Variants in TSPAN14 observed in about 807,000 individuals in gnomAD.
TSPAN14 encodes the protein tetraspanin 14.
In TSPAN14, 16 loss-of-function variants were observed where a neutral mutation model predicts 36.6. The observed-to-expected ratio is 0.44, with a 90% CI of 0.30 to 0.66. TSPAN14 has a LOEUF of 0.66. Among genes scored for constraint, TSPAN14 ranks in the 30% least tolerant of loss-of-function variants. The probability of loss-of-function intolerance (pLI) is 0.12; values close to 1 mark genes in which losing one functional copy is unlikely to be tolerated. For missense variants in TSPAN14, 231 were observed against 355.1 expected (o/e 0.65, Z 2.81); for synonymous variants, 139 against 143.8 (o/e 0.97, Z 0.24).
Position 80,514,170 on chromosome 10 carries a change from C to T in TSPAN14, c.621+107C>T. On this transcript the variant is annotated intron_variant, in intron 7 of 8. Coordinates refer to ENST00000429989, the Ensembl canonical transcript of TSPAN14. ...CAAATTGAAGTGGGAAAACTCAGGG[C>T]AGTGAAGCTCTTGATGCCACCTAAG... 7 of 1,046,226 alleles carry T rather than the reference C, an allele frequency of 6.7e-6. No homozygotes were observed. In the South Asian group the frequency reaches 9.7e-5, roughly 14 times the overall value. The allele number at this position is 1,046,226 out of a possible 1,614,324, so 64.8% of individuals were successfully genotyped here. A position where few individuals can be genotyped will look rare whatever the true frequency, so the allele number is the denominator to read the frequency against.
chr10:80,469,664 G>A (rs952581619), intron 1 of TSPAN14, among the ~76,000 whole-genome samples: 1 of 152,122 alleles, frequency 6.6e-6, no homozygotes, highest in East Asian at 1.9e-4. Flanking sequence ...AAATTCTGCC[G>A]CCTCTTCCTC....
intron 7 of TSPAN14, 77 bp downstream of exon 7, chr10:80,514,140 G>A (rs1840808260): frequency 1.1e-5 from 15 of 1,380,662 alleles, no homozygotes; most frequent in African/African-American, 8.6e-5. Flanking sequence ...GATTTAGCAC[G>A]AGTGCAAATT....
At chr10:80,491,350 AC>A (rs1403317300) in intron 2 of TSPAN14, among the ~76,000 whole-genome samples, 1 of 152,036 alleles carries the variant, frequency 6.6e-6, no homozygotes, top group Non-Finnish European at 1.5e-5. Context: ...CTCTGGCCTT[AC>A]CTGGTGTTCC....
intron 7 of TSPAN14, among the ~76,000 whole-genome samples, chr10:80,514,437 C>T: frequency 6.6e-6 from 1 of 152,166 alleles, no homozygotes; most frequent in Admixed American, 6.5e-5. Context: ...CTTGTTCTGG[C>T]CTCCGTGTGG....
intron 1 of TSPAN14, among the ~76,000 whole-genome samples, chr10:80,476,602 A>G (rs1353797101): frequency 6.6e-6 from 1 of 151,842 alleles, no homozygotes; most frequent in Non-Finnish European, 1.5e-5. Context: ...TTTTTAGTAG[A>G]GATGGGGTTT....
chr10:80,469,079 T>C (rs374938843), intron 1 of TSPAN14, among the ~76,000 whole-genome samples: 3 of 151,478 alleles, frequency 2.0e-5, no homozygotes, highest in African/African-American at 7.3e-5. Context: ...GGGGATGTCT[T>C]GGAAATGGAG....
intron 1 of TSPAN14, among the ~76,000 whole-genome samples, chr10:80,462,189 T>C (rs1846008616): frequency 6.6e-6 from 1 of 152,164 alleles, no homozygotes; most frequent in Non-Finnish European, 1.5e-5. Flanking sequence ...TTATTGAACA[T>C]ATTTAGCAGT....
intron 7 of TSPAN14, chr10:80,515,886 T>G (rs575424576): frequency 1.4e-5 from 4 of 293,180 alleles, no homozygotes; most frequent in East Asian, 1.3e-4. Context: ...CCTCCAAGCC[T>G]TCAAGCCCCT....
At chr10:80,500,314 C>CTTTTTTTTTTTTTTTTTTTTTTTT (rs144759161) in intron 2 of TSPAN14, among the ~76,000 whole-genome samples, 1 of 47,860 alleles carries the variant, frequency 2.1e-5, no homozygotes, top group African/African-American at 8.6e-5. Flanking sequence ...AGGCCTTATT[C>CTTTTTTTTTTTTTTTTTTTTTTTT]TTTTTTTTTT....
chr10:80,513,136 C>T (rs1479125287), intron 6 of TSPAN14, among the ~76,000 whole-genome samples: 1 of 152,132 alleles, frequency 6.6e-6, no homozygotes, highest in African/African-American at 2.4e-5. Context: ...GGGCTCAAAG[C>T]GATCTGCCCA....
intron 1 of TSPAN14, among the ~76,000 whole-genome samples, chr10:80,479,705 A>G (rs571431811): frequency 0.017 from 2,634 of 151,986 alleles, 33 homozygotes; most frequent in Non-Finnish European, 0.029. Flanking sequence ...GCCTTGTAGT[A>G]TAGTTTGAAG....
chr10:80,467,044 C>T (rs898340616), intron 1 of TSPAN14, among the ~76,000 whole-genome samples: 1 of 152,202 alleles, frequency 6.6e-6, no homozygotes, highest in Non-Finnish European at 1.5e-5. Context: ...TGGGTTAGAG[C>T]TGTGGGGTGA....
chr10:80,499,940 G>A (rs1848401688), intron 2 of TSPAN14, among the ~76,000 whole-genome samples: 1 of 152,160 alleles, frequency 6.6e-6, no homozygotes, highest in South Asian at 2.1e-4. Context: ...GAGGCTGGAG[G>A]GCACTCAGCT....
chr10:80,469,402 C>T (rs911390239), intron 1 of TSPAN14, among the ~76,000 whole-genome samples: 5 of 152,186 alleles, frequency 3.3e-5, no homozygotes, highest in Admixed American at 2.6e-4. Flanking sequence ...AGTAGTTTTG[C>T]AGCAGAAAAC....
chr10:80,496,057 A>G (rs1276085399), intron 2 of TSPAN14, among the ~76,000 whole-genome samples: 1 of 152,106 alleles, frequency 6.6e-6, no homozygotes, highest in East Asian at 1.9e-4. Context: ...ATTACTTTTT[A>G]AAAATCTTTT....
chr10:80,502,389 G>C (rs1848567435), intron 2 of TSPAN14, among the ~76,000 whole-genome samples: 1 of 152,146 alleles, frequency 6.6e-6, no homozygotes, highest in South Asian at 2.1e-4. Flanking sequence ...ATTTTTGAAG[G>C]GTCAGTCTTG....
chr10:80,517,665 G>A (rs1325301605), intron 8 of TSPAN14, among the ~76,000 whole-genome samples: 1 of 152,224 alleles, frequency 6.6e-6, no homozygotes, highest in Non-Finnish European at 1.5e-5. Flanking sequence ...TGCTTGTGGT[G>A]CCTGTGGTTT....
chr10:80,470,916 T>A (rs1222291561), intron 1 of TSPAN14, among the ~76,000 whole-genome samples: 7 of 152,204 alleles, frequency 4.6e-5, no homozygotes, highest in Admixed American at 4.6e-4. Context: ...GGTGAAACAG[T>A]TGCCTGCTGC....
In TSPAN14 at chr10:80,516,441, A is replaced by C. The variant is rs1164801760; in HGVS notation, c.741+118A>C. 4.8e-6 allele frequency: 7 copies of C among 1,443,678 alleles called. No homozygotes were observed. In the Admixed American group the frequency reaches 1.4e-4, roughly 28 times the overall value. The allele number at this position is 1,443,678 out of a possible 1,614,324, so 89.4% of individuals were successfully genotyped here. A position where few individuals can be genotyped will look rare whatever the true frequency, so the allele number is the denominator to read the frequency against. ...GGTATTAAGGAAGCTTGCAGAAGAAAAAAAGGGATTCAACTGGATGTCCAA... is the reference window on the plus strand; with the variant it reads ...GGTATTAAGGAAGCTTGCAGAAGAACAAAAGGGATTCAACTGGATGTCCAA... On this transcript the variant is annotated intron_variant, in intron 8 of 8. Transcript: ENST00000429989.
Sources: allele counts gnomAD v4.1 joint callset (sites outside exome capture counted in the v4.1 genomes callset), GRCh38; gene constraint gnomAD v4.1.1; transcripts MANE v1.5; gene names NCBI Gene and HGNC (gene_info 2026-07-23, HGNC 2026-07-21).